Variants in ATXN2 observed in about 807,000 individuals in gnomAD.
ATXN2 encodes the protein ataxin-2.
A neutral mutation model predicts 138.6 loss-of-function variants in ATXN2; 37 were observed. The observed-to-expected ratio is 0.27, with a 90% confidence interval of 0.21 to 0.35. The LOEUF (loss-of-function observed/expected upper bound fraction) is 0.35, where lower values mean the gene tolerates loss of function less well. Among genes scored for constraint, ATXN2 ranks in the 10% least tolerant of loss-of-function variants. ATXN2 has a pLI of 1.00. For synonymous variants in ATXN2, 549 were observed against 543.7 expected, an observed-to-expected ratio of 1.01 and a Z score of -0.13; for missense variants, 1,216 against 1,480.3, an observed-to-expected ratio of 0.82 and a Z score of 2.93.
chr12:111,599,627 G>A (rs1885174229), upstream of ATXN2: 1 of 1,080,452 alleles, frequency 9.3e-7, no homozygotes, highest in Non-Finnish European at 1.1e-6. Context: ...CCCGGGGCCG[G>A]GAGGGACACG....
At chr12:111,564,592 A>G (rs1054868767) in intron 1 of ATXN2, among the ~76,000 whole-genome samples, 2 of 147,632 alleles carry the variant, frequency 1.4e-5, no homozygotes, top group African/African-American at 4.9e-5. Flanking sequence ...CACACTGAAG[A>G]AAAAAAAAAA....
At chr12:111,501,387 A>C (rs1878750432) in intron 14 of ATXN2, among the ~76,000 whole-genome samples, 1 of 152,230 alleles carries the variant, frequency 6.6e-6, no homozygotes, top group Non-Finnish European at 1.5e-5. Flanking sequence ...CCTAAGCCAC[A>C]GGTTAGGACA....
rs1555246667 is a variant in ATXN2, at chr12:111,598,949, G to GGCGGCGGCT, written c.85_86insAGCCGCCGC (p.Gln28_Pro29insGlnProPro). The GGCGGCGGCT allele has an allele frequency of 2.8e-6, 4 of 1,411,994 alleles. No individual in the cohort carries two copies. Among genetic ancestry groups the GGCGGCGGCT allele is most frequent in the Admixed American group, 4.5e-5 (2 of 44,224 alleles). 87.5% of individuals were successfully genotyped at this position (1,411,994 alleles called of 1,614,324 possible). A position where few individuals can be genotyped will look rare whatever the true frequency, so the allele number is the denominator to read the frequency against. On this transcript the variant is annotated inframe_insertion, in exon 1 of 25. Coordinates refer to ENST00000673436, the MANE Select transcript of ATXN2 (RefSeq NM_001372574.1). This position sits in a 1 kb window ranked among gnomAD's most constrained non-coding sequence, Gnocchi z 4.5. ...GCGGACATTGGCAGCCGCGGGCGGC[G>GGCGGCGGCT]GCTGCTGCTGCTGCTGCTGCTGCTG...
At chr12:111,591,227 A>G (rs559091089) in intron 1 of ATXN2, among the ~76,000 whole-genome samples, 15 of 152,190 alleles carry the variant, frequency 9.9e-5, no homozygotes, top group Admixed American at 4.6e-4. Context: ...CCCTGCCCCT[A>G]TGGAAAAACC....
chr12:111,506,971 T>A (rs1378700972), intron 14 of ATXN2, among the ~76,000 whole-genome samples: 1 of 152,174 alleles, frequency 6.6e-6, no homozygotes, highest in Non-Finnish European at 1.5e-5. Flanking sequence ...CAGTGCTCAA[T>A]GGTGCCCAGG....
At chr12:111,562,420 TCTTAAA>T (rs1227400245) in intron 1 of ATXN2, among the ~76,000 whole-genome samples, 21 of 151,328 alleles carry the variant, frequency 1.4e-4, no homozygotes, top group Non-Finnish European at 2.8e-4. Context: ...GGACTCTATC[TCTTAAA>T]AGAGAAAAAG....
At chr12:111,513,294 G>T (rs1879651224) in intron 11 of ATXN2, 63 bp downstream of exon 11, 1 of 1,547,872 alleles carries the variant, frequency 6.5e-7, no homozygotes, top group Admixed American at 1.9e-5. Context: ...TTGTAGCTCA[G>T]CCCTCTTTAT....
intron 14 of ATXN2, among the ~76,000 whole-genome samples, chr12:111,509,091 A>T (rs1482666042): frequency 6.6e-6 from 1 of 152,234 alleles, no homozygotes; most frequent in Non-Finnish European, 1.5e-5. Context: ...AGAGATGTTA[A>T]GTAAAGCCTG....
In ATXN2 at chr12:111,509,946, T is replaced by C; in HGVS notation, c.1809A>G (p.Lys603=). 6.2e-7 allele frequency: 1 copy of C among 1,613,336 alleles called. No homozygotes were observed. The highest frequency in any genetic ancestry group is 8.5e-7 in the Non-Finnish European group (1 of 1,179,668). Residue 603 remains lysine, a synonymous_variant, in exon 13 of 25, where the codon AAA becomes AAG. Transcript: ENST00000673436. ...DQRQNSPAGN[K]ENIKPNETSP... ...ATGTTTCATTGGGTTTAATATTTTC[T>C]TTATTCCCTGCAGGAGAGTTCTGCC...
At chr12:111,461,927 A>G (rs1374272807) in intron 21 of ATXN2, among the ~76,000 whole-genome samples, 2 of 77,884 alleles carry the variant, frequency 2.6e-5, no homozygotes, top group Non-Finnish European at 2.5e-5. Flanking sequence ...ATCTCAAAAG[A>G]AAAAAAAAAA....
intron 5 of ATXN2, among the ~76,000 whole-genome samples, chr12:111,539,358 CAG>C (rs1881365317): frequency 6.7e-6 from 1 of 149,338 alleles, no homozygotes; most frequent in African/African-American, 2.4e-5. Context: ...GTGAAAGAGA[CAG>C]AGAGAAAGAG....
At chr12:111,578,352 C>CA (rs1883797216) in intron 1 of ATXN2, among the ~76,000 whole-genome samples, 2 of 152,194 alleles carry the variant, frequency 1.3e-5, no homozygotes, top group Non-Finnish European at 2.9e-5. Context: ...AAGCTCCATT[C>CA]ATGGTAAGTG....
intron 1 of ATXN2, among the ~76,000 whole-genome samples, chr12:111,564,620 TACA>T (rs1287806315): frequency 1.4e-5 from 2 of 147,620 alleles, no homozygotes; most frequent in African/African-American, 5.0e-5. Flanking sequence ...GCAACAGCAA[TACA>T]ACAATTAAAA....
At chr12:111,493,140 T>C (rs955455063) in intron 14 of ATXN2, among the ~76,000 whole-genome samples, 1 of 151,984 alleles carries the variant, frequency 6.6e-6, no homozygotes, top group Admixed American at 6.6e-5. Context: ...ACAACCAAGT[T>C]GGGCACGATG....
intron 1 of ATXN2, among the ~76,000 whole-genome samples, chr12:111,587,229 A>C (rs1884395544): frequency 6.6e-6 from 1 of 152,240 alleles, no homozygotes; most frequent in African/African-American, 2.4e-5. Flanking sequence ...AAACCCGAAA[A>C]GAAAAATGCA....
At chr12:111,570,518 T>A (rs1158578575) in intron 1 of ATXN2, among the ~76,000 whole-genome samples, 2 of 152,170 alleles carry the variant, frequency 1.3e-5, no homozygotes, top group African/African-American at 4.8e-5. Flanking sequence ...GAGGACCCCC[T>A]CCAATTCTTC....
chr12:111,516,004 A>C lies in ATXN2; in HGVS notation c.1375+150T>G, dbSNP rs1467884540. 2 of 719,606 alleles carry C rather than the reference A, an allele frequency of 2.8e-6. No homozygotes were observed. Among genetic ancestry groups the C allele is most frequent in the Admixed American group, 3.7e-5 (1 of 27,186 alleles). 44.6% of individuals were successfully genotyped at this position (719,606 alleles called of 1,614,324 possible). A position where few individuals can be genotyped will look rare whatever the true frequency, so the allele number is the denominator to read the frequency against. On this transcript the variant is annotated intron_variant, in intron 10 of 24. Coordinates refer to ENST00000673436, the MANE Select transcript of ATXN2 (RefSeq NM_001372574.1). This position sits in a 1 kb window ranked among gnomAD's most constrained non-coding sequence, Gnocchi z 5.0. ...ATCAAATTTCTCTCTAATGAACAAAAGGTTAATAGAAATAGTTTTAATAAA... is the reference window on the plus strand; with the variant it reads ...ATCAAATTTCTCTCTAATGAACAAACGGTTAATAGAAATAGTTTTAATAAA...
At chr12:111,576,518 CT>C (rs1566075355) in intron 1 of ATXN2, among the ~76,000 whole-genome samples, 1 of 152,060 alleles carries the variant, frequency 6.6e-6, no homozygotes. Context: ...CAGTCTCACT[CT>C]GTCACCCAGG....
intron 14 of ATXN2, among the ~76,000 whole-genome samples, chr12:111,493,034 T>C (rs542554989): frequency 2.0e-5 from 3 of 152,234 alleles, no homozygotes; most frequent in South Asian, 2.1e-4. Context: ...AAAAATTCAA[T>C]TGACAAACTG....
Sources: gnomAD v4.1 joint callset for allele counts (sites outside exome capture counted in the v4.1 genomes callset) on GRCh38, gnomAD v4.1.1 for gene constraint, Gnocchi (gnomAD v3.1) non-coding constraint, MANE v1.5 for transcripts, NCBI Gene and HGNC (gene_info 2026-07-23, HGNC 2026-07-21) for gene names.